The following GALNT13 variants were observed in gnomAD, a reference collection of about 807,000 sequenced individuals.
GALNT13 encodes the protein polypeptide N-acetylgalactosaminyltransferase 13.
A neutral mutation model predicts 64.2 loss-of-function variants in GALNT13; 28 were observed. That is an observed-to-expected ratio of 0.44 (90% confidence interval 0.32 to 0.60). The LOEUF (loss-of-function observed/expected upper bound fraction) is 0.60. Ranked by LOEUF, GALNT13 falls within the 20% of genes least tolerant of loss-of-function variation. The pLI is 0.05. For synonymous variants in GALNT13, 214 were observed against 224.6 expected (o/e 0.95, Z 0.42); for missense variants, 577 against 669.8 (o/e 0.86, Z 1.53).
the GALNT13 span, among the ~76,000 whole-genome samples, chr2:153,511,619 G>A: frequency 6.6e-5 from 10 of 152,252 alleles, no homozygotes; most frequent in East Asian, 1.4e-3. Flanking sequence ...GCTAGTTAGC[G>A]TGATTCTGTA....
At chr2:153,883,668 G>C (rs1422664428) in intron 1 of GALNT13, among the ~76,000 whole-genome samples, 3 of 151,896 alleles carry the variant, frequency 2.0e-5, no homozygotes, top group Admixed American at 1.3e-4. Flanking sequence ...TGGAGGGTTT[G>C]GTTGGTGGGA....
chr2:154,356,655 G>T (rs1192856238), intron 9 of GALNT13, among the ~76,000 whole-genome samples: 2 of 151,280 alleles, frequency 1.3e-5, no homozygotes, highest in Admixed American at 1.3e-4. Context: ...TCTACTTTAG[G>T]TCAGTTTTTC....
the GALNT13 span, among the ~76,000 whole-genome samples, chr2:153,613,847 G>T: frequency 6.6e-6 from 1 of 151,824 alleles, no homozygotes; most frequent in Non-Finnish European, 1.5e-5. Flanking sequence ...GGAACATCAC[G>T]CACTGGGGCC....
the GALNT13 span, among the ~76,000 whole-genome samples, chr2:153,472,533 C>G: frequency 6.6e-6 from 1 of 152,086 alleles, no homozygotes; most frequent in African/African-American, 2.4e-5. Context: ...GCTTGAGAAA[C>G]ACTATATAAC....
chr2:153,394,723 T>A, the GALNT13 span, among the ~76,000 whole-genome samples: 1 of 152,178 alleles, frequency 6.6e-6, no homozygotes, highest in Non-Finnish European at 1.5e-5. Flanking sequence ...AGGAAAAGTT[T>A]AAAGAATTCT....
At chr2:153,153,091 G>A in the GALNT13 span, among the ~76,000 whole-genome samples, 1 of 151,936 alleles carries the variant, frequency 6.6e-6, no homozygotes, top group African/African-American at 2.4e-5. Flanking sequence ...TCTTATAATA[G>A]CCATTCAGAC....
At chr2:154,144,755 T>G (rs79961949) in intron 4 of GALNT13, among the ~76,000 whole-genome samples, 3,183 of 152,122 alleles carry the variant, frequency 0.021, 54 homozygotes, top group Non-Finnish European at 0.03. Flanking sequence ...GAGAACAGAC[T>G]AGGTAAAAAT....
At chr2:153,243,122 T>G in the GALNT13 span, among the ~76,000 whole-genome samples, 5 of 152,112 alleles carry the variant, frequency 3.3e-5, no homozygotes, top group Non-Finnish European at 7.4e-5. Context: ...CTGGGTGATA[T>G]GCACACATCC....
chr2:153,173,973 G>C, the GALNT13 span, among the ~76,000 whole-genome samples: 2 of 152,158 alleles, frequency 1.3e-5, no homozygotes, highest in African/African-American at 2.4e-5. Context: ...AAGAAAAAAG[G>C]GTCATGGGTC....
chr2:153,654,059 A>G, the GALNT13 span, among the ~76,000 whole-genome samples: 5 of 152,224 alleles, frequency 3.3e-5, no homozygotes, highest in Middle Eastern at 3.4e-3. Context: ...AAGATGCATT[A>G]AGATACACAT....
At position 154,356,996 on chromosome 2, in the gene GALNT13, A is replaced by AAGAT. The variant is rs1330340696; in HGVS notation, c.1157-38994_1157-38991dup. Among the ~76,000 whole-genome samples the AAGAT allele has an allele frequency of 2.6e-5, 4 of 152,054 alleles. No homozygotes were observed. The East Asian group carries it at 7.7e-4, about 29-fold the overall frequency. On this transcript the variant is annotated intron_variant, in intron 9 of 12. Coordinates refer to ENST00000392825, the MANE Select transcript of GALNT13 (RefSeq NM_052917.4). ...GATAATACCTGTTTTTATTAACCTGAAGATTGATTGAAATGAAATAAAACT... is the reference window on the plus strand; with the variant it reads ...GATAATACCTGTTTTTATTAACCTGAAGATAGATTGATTGAAATGAAATAAAACT...
chr2:153,949,795 A>G (rs2105399040), intron 3 of GALNT13, among the ~76,000 whole-genome samples: 1 of 152,170 alleles, frequency 6.6e-6, no homozygotes, highest in East Asian at 1.9e-4. Flanking sequence ...CTGATGGCGA[A>G]CCACATGTGT....
intron 8 of GALNT13, among the ~76,000 whole-genome samples, chr2:154,282,364 T>C (rs1334060259): frequency 2.0e-5 from 3 of 152,218 alleles, no homozygotes; most frequent in African/African-American, 4.8e-5. Flanking sequence ...TTTTATTATA[T>C]TCTTTTAATA....
chr2:153,626,399 A>T, the GALNT13 span, among the ~76,000 whole-genome samples: 1 of 152,130 alleles, frequency 6.6e-6, no homozygotes, highest in Admixed American at 6.6e-5. Flanking sequence ...TGGGCTTTTA[A>T]AAATGCAGGA....
the GALNT13 span, among the ~76,000 whole-genome samples, chr2:153,563,184 G>A: frequency 6.6e-6 from 1 of 151,390 alleles, no homozygotes; most frequent in African/African-American, 2.4e-5. Flanking sequence ...TATTCAAGTT[G>A]AGCTCTCCTT....
intron 3 of GALNT13, among the ~76,000 whole-genome samples, chr2:154,023,073 C>T (rs79052272): frequency 0.087 from 13,183 of 152,082 alleles, 1,007 homozygotes; most frequent in African/African-American, 0.2. Flanking sequence ...GTTATAATTT[C>T]TGTTCTTTTA....
the GALNT13 span, among the ~76,000 whole-genome samples, chr2:153,809,767 T>C: frequency 6.6e-6 from 1 of 152,178 alleles, no homozygotes; most frequent in East Asian, 1.9e-4. Context: ...TTGCTTTCTC[T>C]GTTGTTTTAA....
the GALNT13 span, among the ~76,000 whole-genome samples, chr2:153,096,835 T>G: frequency 1.3e-5 from 2 of 152,190 alleles, no homozygotes; most frequent in African/African-American, 4.8e-5. Context: ...CTATGTCTTT[T>G]GATTGTAAAG....
At chr2:154,033,580 C>T (rs1698474652) in intron 3 of GALNT13, among the ~76,000 whole-genome samples, 1 of 152,114 alleles carries the variant, frequency 6.6e-6, no homozygotes, top group African/African-American at 2.4e-5. Context: ...ACCTCATTAT[C>T]TGTTAGGAAA....
Sources: allele counts gnomAD v4.1 joint callset (sites outside exome capture counted in the v4.1 genomes callset), GRCh38; gene constraint gnomAD v4.1.1; transcripts MANE v1.5; gene names NCBI Gene and HGNC (gene_info 2026-07-23, HGNC 2026-07-21).